PGAP3: variants seen among roughly 807,000 people sequenced by gnomAD.
The protein encoded by PGAP3 is post-GPI attachment to proteins phospholipase 3, also known as GPI-specific phospholipase A2-like PGAP3.
Under a neutral mutation model 40.3 loss-of-function variants are expected in PGAP3, and 31 were observed. That is an observed-to-expected ratio of 0.77 (90% confidence interval 0.58 to 1.04). The LOEUF is 1.04. PGAP3 is among the 50% of genes least tolerant of loss of function. PGAP3 has a pLI of 0.00. For synonymous variants in PGAP3, 191 were observed against 184.5 expected (o/e 1.04, Z -0.29); for missense variants, 413 against 423.0 (o/e 0.98, Z 0.21).
chr17:39,674,720 T>C lies in PGAP3; in HGVS notation c.433-41A>G, dbSNP rs143517926. ...CTGGTGAGCATGCTGCCCCCCACCC[T>C]GACCTCAAGGCAGGGACCCCCATTT... On this transcript the variant is annotated intron_variant, in intron 3 of 7. Transcript: ENST00000300658. The C allele has an allele frequency of 0.034, 51,413 of 1,521,694 alleles. 1,052 individuals are homozygous for C. The highest frequency in any genetic ancestry group is 0.04 in the Non-Finnish European group (45,029 of 1,122,226). 94.3% of individuals were successfully genotyped at this position (1,521,694 alleles called of 1,614,324 possible). A position where few individuals can be genotyped will look rare whatever the true frequency, so the allele number is the denominator to read the frequency against.
chr17:39,687,756 G>T, intron 1 of PGAP3, 78 bp downstream of exon 1: 3 of 1,141,572 alleles, frequency 2.6e-6, no homozygotes, highest in East Asian at 3.2e-5. Flanking sequence ...AAGGTTCAGG[G>T]ATTGCAGAGG....
Position 39,671,670 on chromosome 17 carries a change from C to T in PGAP3, c.*1133G>A, listed in dbSNP as rs1031721289. On this transcript the variant is annotated 3_prime_UTR_variant, in exon 8 of 8. Coordinates refer to ENST00000300658, the MANE Select transcript of PGAP3 (RefSeq NM_033419.5). ...AGCCCCAGCCATCCCCATTTTCCTT[C>T]CTCTGCCTCCGAGGGGCTGCTTCTG... The T allele has an allele frequency of 6.6e-6, 1 of 152,418 alleles. No individual in the cohort carries two copies. Among genetic ancestry groups the T allele is most frequent in the African/African-American group, 2.4e-5 (1 of 41,454 alleles). 9.4% of individuals were successfully genotyped at this position (152,418 alleles called of 1,614,324 possible). A position where few individuals can be genotyped will look rare whatever the true frequency, so the allele number is the denominator to read the frequency against.
In PGAP3 at chr17:39,673,100, G is replaced by A. The variant is rs759541820; in HGVS notation, c.850C>T (p.His284Tyr). The change falls in exon 7 of 8, where the codon CAT becomes TAT. Residue 284 changes from histidine (H) to tyrosine (Y), a missense_variant. Transcript: ENST00000300658. The stretch of plus-strand genomic sequence containing the variant: ...ATGGTGCTGATGTGCCAGATGGCAT[G>A]GGCATCCAGGACCCAGAAGAGCGGT... ...FPPLFWVLDA[H>Y]AIWHISTIPV... The A allele has an allele frequency of 6.2e-7, 1 of 1,609,322 alleles. No homozygotes were observed. Among genetic ancestry groups the A allele is most frequent in the Middle Eastern group, 1.6e-4 (1 of 6,062 alleles).
intron 3 of PGAP3, among the ~76,000 whole-genome samples, chr17:39,677,442 C>CT (rs1162753182): frequency 6.6e-6 from 1 of 152,182 alleles, no homozygotes; most frequent in Non-Finnish European, 1.5e-5. Flanking sequence ...CCTCCTTCCT[C>CT]TGGAGCCATG....
chr17:39,676,394 G>T (rs544382279), intron 3 of PGAP3, among the ~76,000 whole-genome samples: 1 of 152,154 alleles, frequency 6.6e-6, no homozygotes, highest in South Asian at 2.1e-4. Flanking sequence ...AGGACTGCAG[G>T]ACTGAGCTAA....
rs201418195 is a variant in PGAP3 at position 39,673,524 on chromosome 17, G to A, written c.684C>T (p.Asn228=). 708 of 1,613,872 alleles carry A rather than the reference G, an allele frequency of 4.4e-4. 3 individuals are homozygous for A. The highest frequency in any genetic ancestry group is 5.7e-4 in the Non-Finnish European group (673 of 1,179,998). Residue 228 remains asparagine (N), a synonymous_variant, in exon 6 of 8, where the codon AAC becomes AAT. Transcript: ENST00000300658. ...CCCCCAGGGCCTCACCAATAGCCACGTTGGCCACCAGGTTGTAGCCATAGT... is the reference window on the plus strand; with the variant it reads ...CCCCCAGGGCCTCACCAATAGCCACATTGGCCACCAGGTTGTAGCCATAGT... ...RFDYGYNLVA[N]VAIGLVNVVW...
At chr17:39,687,052 G>C (rs1002554276) in intron 1 of PGAP3, among the ~76,000 whole-genome samples, 1 of 152,108 alleles carries the variant, frequency 6.6e-6, no homozygotes, top group Non-Finnish European at 1.5e-5. Context: ...TGCTCCCTGA[G>C]TAAATAAAGC....
At chr17:39,679,301 G>A (rs919741257) in intron 3 of PGAP3, among the ~76,000 whole-genome samples, 5 of 152,160 alleles carry the variant, frequency 3.3e-5, no homozygotes, top group African/African-American at 1.2e-4. Context: ...CTACCCTGGG[G>A]AAGTGTGACC....
At chr17:39,678,950 C>CTGTTTT (rs1277227769) in intron 3 of PGAP3, among the ~76,000 whole-genome samples, 4 of 152,076 alleles carry the variant, frequency 2.6e-5, no homozygotes, top group Non-Finnish European at 5.9e-5. Context: ...CCTGCTTTTT[C>CTGTTTT]TGTTTTTGTT....
rs1484250952 is a variant in PGAP3, at chr17:39,671,143, T to TA, written c.*1659dup. On this transcript the variant is annotated 3_prime_UTR_variant, in exon 8 of 8. Transcript: ENST00000300658. ...CAGGTGAGGCTTGGAATTGATTTATTAAGCACATCCCTTGCCACCCTCCCA... is the reference window on the plus strand; with the variant it reads ...CAGGTGAGGCTTGGAATTGATTTATTAAAGCACATCCCTTGCCACCCTCCCA... The TA allele has an allele frequency of 6.6e-6, 1 of 152,376 alleles. No homozygotes were observed. The highest frequency in any genetic ancestry group is 1.5e-5 in the Non-Finnish European group (1 of 68,044). 9.4% of individuals were successfully genotyped at this position (152,376 alleles called of 1,614,324 possible).
At chr17:39,681,282 A>G (rs1445469583) in intron 3 of PGAP3, among the ~76,000 whole-genome samples, 2 of 152,076 alleles carry the variant, frequency 1.3e-5, no homozygotes, top group Non-Finnish European at 1.5e-5. Flanking sequence ...TGGACTCTGG[A>G]GCCAGATGCC....
Position 39,686,001 on chromosome 17 carries a change from T to A in PGAP3, c.200A>T (p.Asp67Val). The A allele has an allele frequency of 6.2e-7, 1 of 1,612,968 alleles. No homozygotes were observed. The highest frequency in any genetic ancestry group is 8.5e-7 in the Non-Finnish European group (1 of 1,179,284). The change falls in exon 2 of 8, where the codon GAC becomes GTC. Residue 67 changes from aspartate (D) to valine (V), a missense_variant. Transcript: ENST00000300658. ...MSLAGWTCRD[D>V]CKYECMWVTV... is the part of the protein sequence containing the mutation. Reference sequence around the variant, plus strand: ...GACCCACATACACTCATACTTACAGTCGTCCCGACAGGTCCAGCCTGAAAC... The same window carrying A: ...GACCCACATACACTCATACTTACAGACGTCCCGACAGGTCCAGCCTGAAAC...
At chr17:39,673,722 C>T in intron 5 of PGAP3, 72 bp from the exon 6 acceptor site, 1 of 1,582,930 alleles carries the variant, frequency 6.3e-7, no homozygotes, top group South Asian at 1.1e-5. Context: ...GAAGCATCTC[C>T]TCCCCCCAAC....
At chr17:39,676,968 G>A (rs1167411489) in intron 3 of PGAP3, among the ~76,000 whole-genome samples, 1 of 152,168 alleles carries the variant, frequency 6.6e-6, no homozygotes, top group Non-Finnish European at 1.5e-5. Context: ...CAGATAAGGG[G>A]TGGTCTCCTA....
In PGAP3 at chr17:39,687,959, C is replaced by T. The variant is rs923826853; in HGVS notation, c.56G>A (p.Ser19Asn). Reference sequence around the variant, plus strand: ...CGGCTCACGGTCGCCCTGGGAGCCGCTCGCCAGCGCCGCTGCCCCAGCTAG... The same window carrying T: ...CGGCTCACGGTCGCCCTGGGAGCCGTTCGCCAGCGCCGCTGCCCCAGCTAG... ...VLLAGAAALA[S>N]GSQGDREPVY... The change falls in exon 1 of 8, where the codon AGC becomes AAC. Residue 19 changes from serine (S) to asparagine (N), a missense_variant. Ser to Asn is a conservative substitution (Grantham distance 46). Transcript: ENST00000300658. The T allele has an allele frequency of 6.8e-7, 1 of 1,472,786 alleles. No homozygotes were observed. The highest frequency in any genetic ancestry group is 9.1e-7 in the Non-Finnish European group (1 of 1,097,304). The allele number at this position is 1,472,786 out of a possible 1,614,324, so 91.2% of individuals were successfully genotyped here. A position where few individuals can be genotyped will look rare whatever the true frequency, so the allele number is the denominator to read the frequency against.
intron 2 of PGAP3, 188 bp from the exon 3 acceptor site, chr17:39,684,937 T>A: frequency 1.5e-6 from 1 of 662,620 alleles, no homozygotes; most frequent in Non-Finnish European, 2.5e-6. Flanking sequence ...TTAAGAGTTA[T>A]ACCCCCATCC....
At chr17:39,676,428 G>T (rs928483675) in intron 3 of PGAP3, among the ~76,000 whole-genome samples, 3 of 152,132 alleles carry the variant, frequency 2.0e-5, no homozygotes, top group Non-Finnish European at 2.9e-5. Context: ...CCGAAAGCAG[G>T]GGGTGTGTGT....
chr17:39,684,778 GA>G (rs2057488461), intron 2 of PGAP3, 29 bp from the exon 3 acceptor site: 1 of 1,551,502 alleles, frequency 6.4e-7, no homozygotes, highest in Admixed American at 2.0e-5. Context: ...AAGGAGGTTT[GA>G]AGGGCAGGCA....
intron 3 of PGAP3, 42 bp from the exon 4 acceptor site, chr17:39,674,721 GA>G: frequency 1.3e-6 from 2 of 1,518,482 alleles, no homozygotes; most frequent in Non-Finnish European, 1.8e-6. Flanking sequence ...CCCCCACCCT[GA>G]CCTCAAGGCA....
Sources: gnomAD v4.1 joint callset for allele counts (sites outside exome capture counted in the v4.1 genomes callset) on GRCh38, gnomAD v4.1.1 for gene constraint, MANE v1.5 for transcripts, NCBI Gene and HGNC (gene_info 2026-07-23, HGNC 2026-07-21) for gene names.